MACROD2: variants seen among roughly 807,000 people sequenced by gnomAD.
MACROD2 encodes ADP-ribose glycohydrolase MACROD2.
In MACROD2, 36 loss-of-function variants were observed where a neutral mutation model predicts 70.4. The ratio of observed to expected loss-of-function variants is 0.51; its 90% CI spans 0.39 to 0.68. MACROD2 has a LOEUF of 0.68. MACROD2 is among the 30% of genes least tolerant of loss of function. The pLI is 0.00. For synonymous variants in MACROD2, 172 were observed against 178.8 expected (o/e 0.96, Z 0.30); for missense variants, 496 against 538.4 (o/e 0.92, Z 0.78).
intron 3 of MACROD2, among the ~76,000 whole-genome samples, chr20:14,473,806 C>T (rs925636464): frequency 1.3e-4 from 20 of 152,136 alleles, no homozygotes; most frequent in African/African-American, 4.8e-4. Flanking sequence ...TCCTTGCCAG[C>T]ATTTGTTATC....
At chr20:14,779,151 A>C (rs1267947433) in intron 5 of MACROD2, among the ~76,000 whole-genome samples, 1 of 152,112 alleles carries the variant, frequency 6.6e-6, no homozygotes, top group Non-Finnish European at 1.5e-5. Context: ...AGGCATCATT[A>C]GATGTCTTCA....
At chr20:15,348,633 GA>G (rs1399049439) in intron 6 of MACROD2, among the ~76,000 whole-genome samples, 2 of 152,154 alleles carry the variant, frequency 1.3e-5, no homozygotes, top group Non-Finnish European at 2.9e-5. Flanking sequence ...AATCATGGCG[GA>G]AGGCAAAGGA....
chr20:14,976,531 A>G (rs1046354671), intron 5 of MACROD2, among the ~76,000 whole-genome samples: 1 of 152,132 alleles, frequency 6.6e-6, no homozygotes, highest in Non-Finnish European at 1.5e-5. Context: ...CCCCACTGCA[A>G]GGTCTTTAGC....
chr20:15,537,624 C>T (rs2047894879), intron 8 of MACROD2, among the ~76,000 whole-genome samples: 1 of 152,056 alleles, frequency 6.6e-6, no homozygotes, highest in South Asian at 2.1e-4. Flanking sequence ...CAGGTGCACA[C>T]TACCATGCCT....
At chr20:14,137,802 G>T (rs768957069) in intron 3 of MACROD2, among the ~76,000 whole-genome samples, 2 of 152,096 alleles carry the variant, frequency 1.3e-5, no homozygotes, top group African/African-American at 2.4e-5. Flanking sequence ...TAAACTAATA[G>T]GTTTCTGCTA....
At chr20:15,623,679 C>CCTATCTGTCTAT (rs11471837) in intron 8 of MACROD2, among the ~76,000 whole-genome samples, 5 of 148,140 alleles carry the variant, frequency 3.4e-5, no homozygotes, top group African/African-American at 1.3e-4. Context: ...AAGTTATCTG[C>CCTATCTGTCTAT]CTATCTATCT....
chr20:14,962,408 C>T (rs2074591414), intron 5 of MACROD2, among the ~76,000 whole-genome samples: 1 of 151,492 alleles, frequency 6.6e-6, no homozygotes, highest in Admixed American at 6.6e-5. Context: ...AAGTGATCCT[C>T]CCATCTCAGC....
At chr20:14,201,749 G>A (rs2081481476) in intron 3 of MACROD2, among the ~76,000 whole-genome samples, 1 of 151,406 alleles carries the variant, frequency 6.6e-6, no homozygotes, top group South Asian at 2.1e-4. Context: ...CTGAGGCAGA[G>A]AATTGCTTGA....
intron 4 of MACROD2, among the ~76,000 whole-genome samples, chr20:14,657,926 A>AT (rs1568723864): frequency 6.6e-6 from 1 of 151,818 alleles, no homozygotes; most frequent in Non-Finnish European, 1.5e-5. Context: ...GTGGCTTAGC[A>AT]TACTGAGCTG....
At position 14,875,719 on chromosome 20, in the gene MACROD2, A is replaced by G. The variant is rs567887153; in HGVS notation, c.418+190760A>G. On this transcript the variant is annotated intron_variant, in intron 5 of 17. Coordinates refer to ENST00000684519, the MANE Select transcript of MACROD2 (RefSeq NM_001351661.2). Reference sequence around the variant, plus strand: ...TGCCCAGTGTTTGGCTCACACTTATAAGTTGGAACATGCAGTATTTTGTTT... The same window carrying G: ...TGCCCAGTGTTTGGCTCACACTTATGAGTTGGAACATGCAGTATTTTGTTT... Among the ~76,000 whole-genome samples, 12 of 152,148 alleles carry G rather than the reference A, an allele frequency of 7.9e-5. No individual in the cohort carries two copies. The East Asian group carries it at 2.1e-3, about 27-fold the overall frequency.
intron 5 of MACROD2, among the ~76,000 whole-genome samples, chr20:14,760,876 A>C (rs186679797): frequency 6.6e-6 from 1 of 152,250 alleles, no homozygotes; most frequent in Non-Finnish European, 1.5e-5. Context: ...TGATTCGTCA[A>C]CGTTACTGAA....
intron 5 of MACROD2, among the ~76,000 whole-genome samples, chr20:15,149,871 A>C (rs2076256673): frequency 6.6e-6 from 1 of 152,172 alleles, no homozygotes; most frequent in Non-Finnish European, 1.5e-5. Context: ...GGGTGGGGAC[A>C]GTCTCTAAAG....
rs71335946 is a variant in MACROD2, at chr20:14,049,174, T to TAAAA, written c.164-36435_164-36432dup. On this transcript the variant is annotated intron_variant, in intron 2 of 17. Coordinates refer to ENST00000684519, the MANE Select transcript of MACROD2 (RefSeq NM_001351661.2). Reference sequence around the variant, plus strand: ...TTGACAGAACTAAAAATATATTTAATAAAAAAAAAAAAAAACAAAAAAACA... The same window carrying TAAAA: ...TTGACAGAACTAAAAATATATTTAATAAAAAAAAAAAAAAAAAAACAAAAAAACA... Among the ~76,000 whole-genome samples the TAAAA allele has an allele frequency of 3.0e-4, 21 of 69,776 alleles. No homozygotes were observed. In the East Asian group the frequency reaches 3.9e-3, roughly 13 times the overall value. 45.8% of individuals were successfully genotyped at this position (69,776 alleles called of 152,430 possible). A position where few individuals can be genotyped will look rare whatever the true frequency, so the allele number is the denominator to read the frequency against.
At chr20:14,456,949 C>T (rs1482590530) in intron 3 of MACROD2, among the ~76,000 whole-genome samples, 2 of 151,954 alleles carry the variant, frequency 1.3e-5, no homozygotes, top group Admixed American at 6.6e-5. Flanking sequence ...GATCTCCTGA[C>T]CTCGTGATCC....
chr20:14,240,361 A>G (rs1335703227), intron 3 of MACROD2, among the ~76,000 whole-genome samples: 2 of 152,206 alleles, frequency 1.3e-5, no homozygotes, highest in Non-Finnish European at 2.9e-5. Flanking sequence ...AGGAAAATAA[A>G]TCATTATGCA....
At chr20:15,548,065 A>G (rs2048047834) in intron 8 of MACROD2, among the ~76,000 whole-genome samples, 1 of 152,044 alleles carries the variant, frequency 6.6e-6, no homozygotes, top group African/African-American at 2.4e-5. Flanking sequence ...CCATTTACTT[A>G]TCCATCCCTA....
intron 3 of MACROD2, among the ~76,000 whole-genome samples, chr20:14,095,855 T>C (rs1301803729): frequency 2.0e-5 from 3 of 152,204 alleles, no homozygotes; most frequent in Admixed American, 6.5e-5. Flanking sequence ...CATGGCCTAC[T>C]GAAGTGTAGT....
chr20:15,386,648 C>CT, intron 6 of MACROD2, among the ~76,000 whole-genome samples: 1 of 152,252 alleles, frequency 6.6e-6, no homozygotes, highest in African/African-American at 2.4e-5. Context: ...TATCAGACCC[C>CT]TTGCAATTTT....
rs189382620 is a variant in MACROD2, at chr20:15,447,111, C to T, written c.571+15676C>T. On this transcript the variant is annotated intron_variant, in intron 7 of 17. Transcript: ENST00000684519. ...GTCTGTGTGTTGTATAGGAAGTATC[C>T]CAGTGCAGTTCTTCTCCCTACAGGC... Among the ~76,000 whole-genome samples the T allele has an allele frequency of 5.6e-4, 83 of 149,344 alleles. 1 individual carries two copies. In the Middle Eastern group the frequency reaches 0.028, roughly 50 times the overall value.
Sources: allele counts gnomAD v4.1 joint callset (sites outside exome capture counted in the v4.1 genomes callset), GRCh38; gene constraint gnomAD v4.1.1; transcripts MANE v1.5; gene names NCBI Gene and HGNC (gene_info 2026-07-23, HGNC 2026-07-21).